Variants in ASIC2 observed in about 807,000 individuals in gnomAD.
The protein encoded by ASIC2 is acid sensing ion channel subunit 2.
ASIC2 carries 25 observed loss-of-function variants against 57.3 expected under a neutral mutation model. The ratio of observed to expected loss-of-function variants is 0.44; its 90% CI spans 0.32 to 0.61. The LOEUF is 0.61. Ranked by LOEUF, ASIC2 falls within the 20% of genes least tolerant of loss-of-function variation. The probability of loss-of-function intolerance (pLI) is 0.06; values close to 1 mark genes in which losing one functional copy is unlikely to be tolerated. For synonymous variants in ASIC2, 319 were observed against 307.5 expected (o/e 1.04, Z -0.39); for missense variants, 641 against 738.1 (o/e 0.87, Z 1.52).
At chr17:34,051,858 C>CACACACACACACAT in intron 1 of ASIC2, 1 of 54,670 alleles carries the variant, frequency 1.8e-5, no homozygotes, top group African/African-American at 1.7e-4. Flanking sequence ...TACACACACA[C>CACACACACACACAT]AGAGAGAGAG....
At chr17:33,025,866 C>T in intron 5 of ASIC2, 60 bp downstream of exon 5, 1 of 1,477,376 alleles carries the variant, frequency 6.8e-7, no homozygotes, top group East Asian at 2.4e-5. Context: ...CAGATGATTT[C>T]CATGATCTCA....
chr17:34,125,660 G>A (rs188521821), intron 1 of ASIC2, among the ~76,000 whole-genome samples: 112 of 152,234 alleles, frequency 7.4e-4, no homozygotes, highest in African/African-American at 2.5e-3. Context: ...TGAGTAAGAC[G>A]ATCTGTAGGA....
At chr17:33,192,812 T>G (rs1906479950) in intron 1 of ASIC2, among the ~76,000 whole-genome samples, 1 of 152,240 alleles carries the variant, frequency 6.6e-6, no homozygotes, top group African/African-American at 2.4e-5. Flanking sequence ...AGTATCCAAT[T>G]TTCTAATTAA....
In ASIC2 at chr17:33,817,748, T is replaced by A. The variant is rs1912629708; in HGVS notation, c.555+338230A>T. On this transcript the variant is annotated intron_variant, in intron 1 of 9. Coordinates refer to the ASIC2 transcript ENST00000359872. ...TATATGATCTTATTAAAATATTTAT[T>A]TTCCTAAAGAACCCACGATTTGGGC... Among the ~76,000 whole-genome samples the A allele has an allele frequency of 2.0e-5, 3 of 152,202 alleles. No homozygotes were observed. In the South Asian group the frequency reaches 6.2e-4, roughly 32 times the overall value.
At chr17:33,855,398 C>T (rs1386408038) in intron 1 of ASIC2, among the ~76,000 whole-genome samples, 1 of 152,188 alleles carries the variant, frequency 6.6e-6, no homozygotes, top group East Asian at 1.9e-4. Context: ...GGTGACTTTG[C>T]TTTCCCCAAG....
intron 1 of ASIC2, among the ~76,000 whole-genome samples, chr17:33,687,932 T>C (rs1345328179): frequency 1.3e-5 from 2 of 152,110 alleles, no homozygotes; most frequent in African/African-American, 2.4e-5. Flanking sequence ...AAGTCACTAG[T>C]ATTTGTGGGA....
At chr17:33,188,191 G>A (rs1322292343) in intron 1 of ASIC2, among the ~76,000 whole-genome samples, 1 of 152,058 alleles carries the variant, frequency 6.6e-6, no homozygotes, top group African/African-American at 2.4e-5. Context: ...AAATGCACTG[G>A]TTGGAATTAA....
intron 1 of ASIC2, among the ~76,000 whole-genome samples, chr17:33,619,322 T>G (rs1456544917): frequency 2.6e-5 from 4 of 152,218 alleles, no homozygotes; most frequent in South Asian, 2.1e-4. Context: ...ATGAAGAGCT[T>G]CTTCTGTTAA....
At chr17:33,330,475 G>A (rs1183231513) in intron 1 of ASIC2, among the ~76,000 whole-genome samples, 6 of 152,118 alleles carry the variant, frequency 3.9e-5, no homozygotes, top group East Asian at 3.9e-4. Flanking sequence ...CATTCACCAC[G>A]ATGAGTCCTC....
intron 1 of ASIC2, among the ~76,000 whole-genome samples, chr17:33,692,939 CGCATA>C (rs1908419964): frequency 1.3e-5 from 2 of 152,220 alleles, no homozygotes; most frequent in African/African-American, 4.8e-5. Flanking sequence ...GTAAATCAAT[CGCATA>C]TTTTAAATCT....
At chr17:33,186,859 A>T (rs955534160) in intron 1 of ASIC2, among the ~76,000 whole-genome samples, 2 of 152,222 alleles carry the variant, frequency 1.3e-5, no homozygotes, top group African/African-American at 4.8e-5. Context: ...CAAAAATTTT[A>T]AAAAATCATC....
intron 3 of ASIC2, among the ~76,000 whole-genome samples, chr17:33,083,411 G>A (rs2092121285): frequency 1.3e-5 from 2 of 152,224 alleles, no homozygotes; most frequent in South Asian, 4.1e-4. Flanking sequence ...CATTCTGTGA[G>A]TGCTCCAAGA....
intron 1 of ASIC2, among the ~76,000 whole-genome samples, chr17:33,825,826 T>C (rs1912889645): frequency 6.6e-6 from 1 of 152,234 alleles, no homozygotes; most frequent in African/African-American, 2.4e-5. Context: ...ACAAAATGTT[T>C]ATAATCTTGA....
At chr17:33,522,302 G>A (rs1347927517) in intron 1 of ASIC2, among the ~76,000 whole-genome samples, 21 of 152,136 alleles carry the variant, frequency 1.4e-4, no homozygotes, top group Admixed American at 1.2e-3. Context: ...TATTTCCCCC[G>A]TTCCTGAAGG....
intron 1 of ASIC2, among the ~76,000 whole-genome samples, chr17:33,578,855 G>C (rs981602082): frequency 1.3e-5 from 2 of 152,140 alleles, no homozygotes; most frequent in African/African-American, 2.4e-5. Context: ...TAAACATTGG[G>C]GTCTGTGACC....
intron 1 of ASIC2, among the ~76,000 whole-genome samples, chr17:33,720,558 A>G (rs997702887): frequency 1.3e-5 from 2 of 152,220 alleles, no homozygotes; most frequent in Non-Finnish European, 2.9e-5. Flanking sequence ...AGTTCTAGTA[A>G]CTTGAGGAAT....
At chr17:33,453,048 C>G (rs1912318303) in intron 1 of ASIC2, among the ~76,000 whole-genome samples, 1 of 152,160 alleles carries the variant, frequency 6.6e-6, no homozygotes. Context: ...TTCAAACAGC[C>G]TCTCCGAAGG....
intron 1 of ASIC2, among the ~76,000 whole-genome samples, chr17:33,796,433 TAA>T (rs1911921251): frequency 6.6e-6 from 1 of 152,328 alleles, no homozygotes; most frequent in South Asian, 2.1e-4. Flanking sequence ...GAATTAGAAA[TAA>T]TATTACATGC....
At chr17:33,443,640 T>G (rs1911910394) in intron 1 of ASIC2, among the ~76,000 whole-genome samples, 1 of 151,222 alleles carries the variant, frequency 6.6e-6, no homozygotes, top group Non-Finnish European at 1.5e-5. Context: ...ATGGTCTCGA[T>G]CTCCTGACCT....
Sources: allele counts gnomAD v4.1 joint callset (sites outside exome capture counted in the v4.1 genomes callset), GRCh38; gene constraint gnomAD v4.1.1; transcripts MANE v1.5; gene names NCBI Gene and HGNC (gene_info 2026-07-23, HGNC 2026-07-21).